Variants in BMPR2 observed in about 807,000 individuals in gnomAD.
BMPR2 encodes bone morphogenetic protein receptor type-2.
A neutral mutation model predicts 100.8 loss-of-function variants in BMPR2; 29 were observed. The ratio of observed to expected loss-of-function variants is 0.29; its 90% confidence interval spans 0.21 to 0.39. BMPR2 has a LOEUF of 0.39. Ranked by LOEUF, BMPR2 falls within the 10% of genes least tolerant of loss-of-function variation. The pLI is 1.00. For synonymous variants in BMPR2, 382 were observed against 442.3 expected (o/e 0.86, Z 1.71); for missense variants, 1,011 against 1,274.5 (o/e 0.79, Z 3.15).
chr2:202,482,967 G>T (rs537268214), intron 3 of BMPR2, among the ~76,000 whole-genome samples: 1 of 152,074 alleles, frequency 6.6e-6, no homozygotes, highest in African/African-American at 2.4e-5. Context: ...GAACCACTAC[G>T]CCTGGCCTAG....
At position 202,558,973 on chromosome 2, in the gene BMPR2, C is replaced by A. The variant is rs1163333078; in HGVS notation, c.2867-723C>A. ...TTTGTACTCTAATATTTCTGTTATT[C>A]TTCTGAAAAATATTGTATGCCAGGT... On this transcript the variant is annotated intron_variant, in intron 12 of 12. Transcript: ENST00000374580. Among the ~76,000 whole-genome samples, 11 of 150,230 alleles carry A rather than the reference C, an allele frequency of 7.3e-5. No individual in the cohort carries two copies. In the East Asian group the frequency reaches 2.2e-3, roughly 30 times the overall value.
chr2:202,528,744 GAAGTATGGT>G (rs1409390587), intron 7 of BMPR2, among the ~76,000 whole-genome samples: 1 of 152,192 alleles, frequency 6.6e-6, no homozygotes, highest in Non-Finnish European at 1.5e-5. Context: ...AAAAAGGAAT[GAAGTATGGT>G]TTCTACTGAT....
intron 7 of BMPR2, among the ~76,000 whole-genome samples, chr2:202,522,732 G>A (rs1369660444): frequency 6.6e-6 from 1 of 151,104 alleles, no homozygotes; most frequent in Non-Finnish European, 1.5e-5. Context: ...TCAGGAGGCT[G>A]AGGTGGGAGG....
chr2:202,408,082 C>T (rs1690941097), intron 1 of BMPR2, among the ~76,000 whole-genome samples: 1 of 152,100 alleles, frequency 6.6e-6, no homozygotes, highest in Admixed American at 6.5e-5. Context: ...ATCTGCCCGC[C>T]TCTGCCTCCC....
chr2:202,547,285 G>T (rs1688391768), intron 10 of BMPR2, among the ~76,000 whole-genome samples: 1 of 151,992 alleles, frequency 6.6e-6, no homozygotes, highest in South Asian at 2.1e-4. Flanking sequence ...ATAGCTCACT[G>T]TAGCCTCGAA....
intron 10 of BMPR2, among the ~76,000 whole-genome samples, chr2:202,544,156 A>G (rs77561432): frequency 6.6e-6 from 1 of 152,134 alleles, no homozygotes; most frequent in South Asian, 2.1e-4. Flanking sequence ...AAAAACAAAA[A>G]AAAATTTGAA....
In BMPR2 at chr2:202,525,085, T is replaced by C. The variant is rs551059874; in HGVS notation, c.967+4884T>C. 5.3e-5 allele frequency among the ~76,000 whole-genome samples: 8 copies of C among 152,340 alleles called. No homozygotes were observed. In the East Asian group the frequency reaches 1.5e-3, roughly 29 times the overall value. On this transcript the variant is annotated intron_variant, in intron 7 of 12. Transcript: ENST00000374580. ...TAGGTTAAGAACCTCTTAGCTAGGC[T>C]ATATTATATTTTCCTTGTATTAATT...
At chr2:202,409,357 A>G (rs777126223) in intron 1 of BMPR2, among the ~76,000 whole-genome samples, 2 of 152,076 alleles carry the variant, frequency 1.3e-5, no homozygotes, top group East Asian at 1.9e-4. Context: ...AAATATATAT[A>G]TAAGATTACA....
At chr2:202,526,953 T>TCG (rs1194428744) in intron 7 of BMPR2, among the ~76,000 whole-genome samples, 4 of 152,100 alleles carry the variant, frequency 2.6e-5, no homozygotes, top group African/African-American at 7.2e-5. Flanking sequence ...AACCTCCGCC[T>TCG]CCTGGATTCA....
At chr2:202,501,534 GGA>G (rs1196111867) in intron 3 of BMPR2, among the ~76,000 whole-genome samples, 6 of 152,150 alleles carry the variant, frequency 3.9e-5, no homozygotes. Context: ...CAGACTCGTG[GGA>G]CAATCCCACA....
At chr2:202,511,963 G>C (rs973818649) in intron 3 of BMPR2, among the ~76,000 whole-genome samples, 9 of 151,634 alleles carry the variant, frequency 5.9e-5, no homozygotes, top group Non-Finnish European at 1.2e-4. Context: ...GGAGTTTGCA[G>C]TGAGCTGAGA....
intron 1 of BMPR2, among the ~76,000 whole-genome samples, chr2:202,391,313 T>C (rs113719199): frequency 0.055 from 8,280 of 151,868 alleles, 294 homozygotes; most frequent in Middle Eastern, 0.13. Context: ...GTTGTTGTTG[T>C]TTTTCAATAA....
At position 202,484,682 on chromosome 2, in the gene BMPR2, A is replaced by G. The variant is rs570050732; in HGVS notation, c.418+16993A>G. Among the ~76,000 whole-genome samples the G allele has an allele frequency of 9.4e-5, 8 of 84,750 alleles. 1 individual carries two copies. The South Asian group carries it at 3.1e-3, about 33-fold the overall frequency. The allele number at this position is 84,750 out of a possible 152,430, so 55.6% of individuals were successfully genotyped here. A position where few individuals can be genotyped will look rare whatever the true frequency, so the allele number is the denominator to read the frequency against. On this transcript the variant is annotated intron_variant, in intron 3 of 12. Transcript: ENST00000374580. Reference sequence around the variant, plus strand: ...AGCGAGACTCTGTCTCAAAAAAGAAAAAGGCTGGGCGCGGTGGCTCACGCC... The same window carrying G: ...AGCGAGACTCTGTCTCAAAAAAGAAGAAGGCTGGGCGCGGTGGCTCACGCC...
intron 12 of BMPR2, among the ~76,000 whole-genome samples, chr2:202,557,186 C>A (rs562364431): frequency 5.3e-4 from 81 of 151,778 alleles, no homozygotes; most frequent in Non-Finnish European, 9.3e-4. Context: ...CAAAAATGGC[C>A]AGGCACAGTG....
chr2:202,465,558 CTT>C (rs1407703091), intron 2 of BMPR2, among the ~76,000 whole-genome samples: 6 of 152,120 alleles, frequency 3.9e-5, no homozygotes, highest in African/African-American at 1.4e-4. Context: ...ATAATATACT[CTT>C]TAAAAATATT....
chr2:202,410,124 A>G (rs573445567), intron 1 of BMPR2, among the ~76,000 whole-genome samples: 1 of 152,214 alleles, frequency 6.6e-6, no homozygotes, highest in South Asian at 2.1e-4. Context: ...AGCTAGGACT[A>G]TAGGCATCTG....
chr2:202,449,833 C>T (rs1316840022), intron 1 of BMPR2, among the ~76,000 whole-genome samples: 1 of 152,026 alleles, frequency 6.6e-6, no homozygotes, highest in Non-Finnish European at 1.5e-5. Flanking sequence ...TGCGGTGGCT[C>T]ACGCCTGTAA....
At chr2:202,494,224 TG>T (rs1483611842) in intron 3 of BMPR2, among the ~76,000 whole-genome samples, 1 of 152,274 alleles carries the variant, frequency 6.6e-6, no homozygotes, top group Non-Finnish European at 1.5e-5. Flanking sequence ...TGGATTTAAA[TG>T]TTTTTCTCTA....
At chr2:202,435,376 C>CATATATATAT (rs141854934) in intron 1 of BMPR2, among the ~76,000 whole-genome samples, 1,570 of 103,318 alleles carry the variant, frequency 0.015, 32 homozygotes, top group Non-Finnish European at 0.021. Context: ...AAAAAAAATA[C>CATATATATAT]ATATATATAT....
Sources: allele counts gnomAD v4.1 joint callset (sites outside exome capture counted in the v4.1 genomes callset), GRCh38; gene constraint gnomAD v4.1.1; transcripts MANE v1.5; gene names NCBI Gene and HGNC (gene_info 2026-07-23, HGNC 2026-07-21).